SNX6: variants seen among roughly 807,000 people sequenced by gnomAD.
SNX6 encodes the protein sorting nexin 6.
SNX6 carries 34 observed loss-of-function variants against 63.0 expected under a neutral mutation model. The observed-to-expected ratio is 0.54, with a 90% CI of 0.41 to 0.72. SNX6 has a LOEUF of 0.72. Among genes scored for constraint, SNX6 ranks in the 30% least tolerant of loss-of-function variants. The probability of loss-of-function intolerance (pLI) is 0.00; values close to 1 mark genes in which losing one functional copy is unlikely to be tolerated. For missense variants in SNX6, 398 were observed against 471.4 expected (o/e 0.84, Z 1.44); for synonymous variants, 170 against 164.2 (o/e 1.04, Z -0.27).
chr14:34,576,448 ATATATT>A (rs66921921), intron 10 of SNX6, among the ~76,000 whole-genome samples: 53,426 of 94,716 alleles, frequency 0.56, 10,316 homozygotes, highest in East Asian at 0.71. Context: ...ATATATATAT[ATATATT>A]TTTTTTTTTT....
At chr14:34,609,539 T>A in intron 3 of SNX6, 99 bp downstream of exon 3, 1 of 561,644 alleles carries the variant, frequency 1.8e-6, no homozygotes, top group East Asian at 3.3e-5. Flanking sequence ...GTTAAAATAG[T>A]TTCTTTCCAA....
chr14:34,603,918 T>C (rs1296391824), intron 5 of SNX6, among the ~76,000 whole-genome samples: 1 of 152,130 alleles, frequency 6.6e-6, no homozygotes, highest in Non-Finnish European at 1.5e-5. Flanking sequence ...TATTTTCATC[T>C]AATTACCCAA....
At position 34,574,730 on chromosome 14, in the gene SNX6, T is replaced by G. The variant is rs562227892; in HGVS notation, c.921+1026A>C. 7.0e-4 allele frequency among the ~76,000 whole-genome samples: 107 copies of G among 152,182 alleles called. 1 individual carries two copies. In the South Asian group the frequency reaches 0.022, roughly 31 times the overall value. On this transcript the variant is annotated intron_variant, in intron 11 of 13. Coordinates refer to ENST00000362031, the MANE Select transcript of SNX6 (RefSeq NM_152233.4). ...TGAAGAAATATACCAAATTCATTTT[T>G]TTTTTAAGACGGAGTTGGGGTTTCT...
intron 11 of SNX6, chr14:34,575,493 C>T (rs777770939): frequency 1.7e-5 from 3 of 181,320 alleles, no homozygotes; most frequent in Non-Finnish European, 3.5e-5. Context: ...AGCCACCACA[C>T]CTGACCACAA....
intron 2 of SNX6, among the ~76,000 whole-genome samples, chr14:34,617,186 T>C (rs943895131): frequency 1.3e-5 from 2 of 152,106 alleles, no homozygotes; most frequent in African/African-American, 4.8e-5. Flanking sequence ...ACAATACACA[T>C]TGATTGGACT....
At position 34,605,571 on chromosome 14, in the gene SNX6, A is replaced by AC. The variant is rs1882984971; in HGVS notation, c.392+24dup. ...AGGCAACAACAACCAAAAAAAAAAA[A>AC]CAAAAAAATAAAAAAATCACTTACG... On this transcript the variant is annotated intron_variant, in intron 5 of 13. Transcript: ENST00000362031. 2.0e-6 allele frequency: 3 copies of AC among 1,507,874 alleles called. No homozygotes were observed. The African/African-American group carries it at 4.4e-5, about 22-fold the overall frequency. 93.4% of individuals were successfully genotyped at this position (1,507,874 alleles called of 1,614,324 possible).
At chr14:34,568,118 G>A in intron 11 of SNX6, 105 bp from the exon 12 acceptor site, 1 of 873,934 alleles carries the variant, frequency 1.1e-6, no homozygotes. Context: ...CTAACACATA[G>A]TGAATACTAC....
At chr14:34,613,818 A>G (rs887543973) in intron 2 of SNX6, among the ~76,000 whole-genome samples, 2 of 151,176 alleles carry the variant, frequency 1.3e-5, no homozygotes, top group African/African-American at 4.9e-5. Context: ...AACAAAAAAC[A>G]GAATCTGGGG....
At chr14:34,608,601 G>C (rs756652223) in intron 3 of SNX6, among the ~76,000 whole-genome samples, 9 of 152,194 alleles carry the variant, frequency 5.9e-5, no homozygotes, top group Non-Finnish European at 1.3e-4. Flanking sequence ...AAAGTAAGTT[G>C]ACAGGCTTAT....
At chr14:34,606,196 CTTTT>C (rs34435703) in intron 4 of SNX6, among the ~76,000 whole-genome samples, 5 of 57,588 alleles carry the variant, frequency 8.7e-5, no homozygotes, top group Non-Finnish European at 9.6e-5. Flanking sequence ...GTTATCTAAT[CTTTT>C]TTTTTTTTTT....
chr14:34,566,367 C>T (rs551401716), intron 13 of SNX6, among the ~76,000 whole-genome samples: 1 of 152,304 alleles, frequency 6.6e-6, no homozygotes, highest in Admixed American at 6.5e-5. Context: ...CGCCCACCAC[C>T]ACGCCCAGCT....
chr14:34,621,632 A>G (rs561120068), intron 2 of SNX6, among the ~76,000 whole-genome samples: 3 of 152,176 alleles, frequency 2.0e-5, no homozygotes, highest in Non-Finnish European at 4.4e-5. Flanking sequence ...TTTAAATCCA[A>G]CATACGTGGA....
intron 9 of SNX6, among the ~76,000 whole-genome samples, chr14:34,584,164 T>C (rs1882057074): frequency 6.6e-6 from 1 of 152,090 alleles, no homozygotes. Flanking sequence ...TTTTAATTAG[T>C]GTAAGCTATC....
In SNX6 at chr14:34,597,537, A is replaced by C; in HGVS notation, c.612+13T>G. On this transcript the variant is annotated intron_variant, in intron 7 of 13. Transcript: ENST00000362031. Reference sequence around the variant, plus strand: ...TCTCAACTAATACCACAGTTAATCAAATAAAATCTTACCTTTACTCCTGAA... The same window carrying C: ...TCTCAACTAATACCACAGTTAATCACATAAAATCTTACCTTTACTCCTGAA... 6.8e-7 allele frequency: 1 copy of C among 1,480,354 alleles called. No individual in the cohort carries two copies. 91.7% of individuals were successfully genotyped at this position (1,480,354 alleles called of 1,614,324 possible).
intron 5 of SNX6, chr14:34,604,263 C>T (rs1414684743): frequency 7.8e-7 from 1 of 1,280,804 alleles, no homozygotes; most frequent in South Asian, 1.3e-5. Context: ...CTCTGTTATC[C>T]AACCCCTAAC....
chr14:34,603,078 C>T lies in SNX6; in HGVS notation c.516+270G>A, dbSNP rs146286843. Among the ~76,000 whole-genome samples, 811 of 150,936 alleles carry T rather than the reference C, an allele frequency of 5.4e-3. 2 individuals carry two copies. The highest frequency in any genetic ancestry group is 9.4e-3 in the Non-Finnish European group (637 of 67,924). On this transcript the variant is annotated intron_variant, in intron 6 of 13. Coordinates refer to ENST00000362031, the MANE Select transcript of SNX6 (RefSeq NM_152233.4). ...GGATCATGAGGTCAGGAGATCGAGA[C>T]CATTCTGGCTAACACGGTGAAACAC...
chr14:34,568,950 G>T, intron 11 of SNX6: 1 of 1,369,646 alleles, frequency 7.3e-7, no homozygotes, highest in Non-Finnish European at 1.0e-6. Context: ...GCCACGCTGT[G>T]GAAGCAGCTC....
chr14:34,565,969 G>A (rs1448372008), intron 13 of SNX6, among the ~76,000 whole-genome samples: 3 of 152,188 alleles, frequency 2.0e-5, no homozygotes, highest in African/African-American at 4.8e-5. Context: ...GATTACAGGC[G>A]TGAGCCACCA....
chr14:34,589,621 T>G (rs1478053776), intron 8 of SNX6, among the ~76,000 whole-genome samples: 1 of 151,276 alleles, frequency 6.6e-6, no homozygotes, highest in Non-Finnish European at 1.5e-5. Context: ...AAACCTGGAG[T>G]TCGAGACCAG....
Sources: gnomAD v4.1 joint callset for allele counts (sites outside exome capture counted in the v4.1 genomes callset) on GRCh38, gnomAD v4.1.1 for gene constraint, MANE v1.5 for transcripts, NCBI Gene and HGNC (gene_info 2026-07-23, HGNC 2026-07-21) for gene names.